TBC1D16: variants seen among roughly 807,000 people sequenced by gnomAD.
TBC1D16 encodes the protein TBC1 domain family member 16.
A neutral mutation model predicts 74.7 loss-of-function variants in TBC1D16; 58 were observed. The observed-to-expected ratio is 0.78, with a 90% CI of 0.63 to 0.97. The LOEUF is 0.97. Ranked by LOEUF, TBC1D16 falls within the 50% of genes least tolerant of loss-of-function variation. The probability of loss-of-function intolerance (pLI) is 0.00; values close to 1 mark genes in which losing one functional copy is unlikely to be tolerated. For synonymous variants in TBC1D16, 493 were observed against 474.7 expected, an observed-to-expected ratio of 1.04 and a Z score of -0.50; for missense variants, 1,014 against 1,079.5, an observed-to-expected ratio of 0.94 and a Z score of 0.85.
chr17:80,010,025 G>C lies in TBC1D16; in HGVS notation c.779+135C>G. On this transcript the variant is annotated intron_variant, in intron 3 of 11. Coordinates refer to ENST00000310924, the MANE Select transcript of TBC1D16 (RefSeq NM_019020.4). This position sits in a 1 kb window ranked among gnomAD's most constrained non-coding sequence, Gnocchi z 8.8. The stretch of plus-strand genomic sequence containing the variant: ...AGGGAGGGGCTCCTGCCACAGCCAC[G>C]GCCACAGCCGCGGGCAGGTCGGGCA... The C allele has an allele frequency of 1.3e-6, 1 of 756,958 alleles. No individual in the cohort carries two copies. Among genetic ancestry groups the C allele is most frequent in the South Asian group, 1.9e-5 (1 of 53,286 alleles). 46.9% of individuals were successfully genotyped at this position (756,958 alleles called of 1,614,324 possible). A position where few individuals can be genotyped will look rare whatever the true frequency, so the allele number is the denominator to read the frequency against.
rs779079899 is a variant in TBC1D16, at chr17:80,010,605, G to A, written c.334C>T (p.Arg112Trp). The A allele has an allele frequency of 1.6e-5, 25 of 1,586,836 alleles. No homozygotes were observed. The highest frequency in any genetic ancestry group is 6.7e-5 in the East Asian group (3 of 44,608). The change falls in exon 3 of 12, where the codon CGG (arginine) becomes TGG (tryptophan). Residue 112 changes from arginine to tryptophan, a missense_variant. Transcript: ENST00000310924. This position sits in a 1 kb window ranked among gnomAD's most constrained non-coding sequence, Gnocchi z 8.8. ...CCTGAGCTCCGGGTGCGCCGGCCCCGAGGGCGGGGTGCCTTGCGAACGGGG... is the reference window on the plus strand; with the variant it reads ...CCTGAGCTCCGGGTGCGCCGGCCCCAAGGGCGGGGTGCCTTGCGAACGGGG... ...SSPVRKAPRP[R>W]GRRTRSSGAS...
At chr17:80,011,742 C>T (rs1367049714) in intron 2 of TBC1D16, among the ~76,000 whole-genome samples, 4 of 151,614 alleles carry the variant, frequency 2.6e-5, no homozygotes, top group African/African-American at 9.7e-5. Context: ...AGGAGAATGG[C>T]GTGAACCCAG....
At chr17:79,960,210 A>C (rs1461687637) in intron 3 of TBC1D16, among the ~76,000 whole-genome samples, 1 of 152,220 alleles carries the variant, frequency 6.6e-6, no homozygotes, top group Non-Finnish European at 1.5e-5. Context: ...AGTCAGTAAT[A>C]TGCTTTAAAT....
chr17:79,947,909 C>A, intron 8 of TBC1D16, 78 bp from the exon 9 acceptor site: 1 of 1,255,810 alleles, frequency 8.0e-7, no homozygotes, highest in South Asian at 1.4e-5. Context: ...AACCCTGGGC[C>A]GTGGACCCTG....
rs185890138 is a variant in TBC1D16, at chr17:79,980,321, C to T, written c.780-27503G>A. 5.4e-3 allele frequency among the ~76,000 whole-genome samples: 825 copies of T among 152,324 alleles called. 1 individual carries two copies. The highest frequency in any genetic ancestry group is 7.8e-3 in the Non-Finnish European group (529 of 68,032). ...AAATTCCCCTTCTCTCTTGGCTTCA[C>T]GGCACGGGCTTCTTGACCACCATGT... On this transcript the variant is annotated intron_variant, in intron 3 of 11. Coordinates refer to ENST00000310924, the MANE Select transcript of TBC1D16 (RefSeq NM_019020.4). This position sits in a 1 kb window ranked among gnomAD's most constrained non-coding sequence, Gnocchi z 7.0.
At chr17:80,025,564 C>T (rs145678927) in intron 1 of TBC1D16, among the ~76,000 whole-genome samples, 12,293 of 147,214 alleles carry the variant, frequency 0.084, 920 homozygotes, top group Non-Finnish European at 0.11. Context: ...CTTCGGGGCC[C>T]GCCTGCTGGG....
intron 3 of TBC1D16, chr17:79,953,072 C>T: frequency 2.9e-6 from 1 of 342,046 alleles, no homozygotes; most frequent in Non-Finnish European, 5.3e-6. Context: ...GGCAGTAAGT[C>T]ATCATCGTCC....
intron 3 of TBC1D16, among the ~76,000 whole-genome samples, chr17:80,006,522 G>A (rs1416932680): frequency 6.6e-6 from 1 of 152,210 alleles, no homozygotes; most frequent in Admixed American, 6.5e-5. Context: ...GATGGGGCAA[G>A]GAGCACCACC....
In TBC1D16 at chr17:79,990,167, A is replaced by T. The variant is rs2035004008; in HGVS notation, c.779+19993T>A. Among the ~76,000 whole-genome samples the T allele has an allele frequency of 6.6e-6, 1 of 152,180 alleles. No individual in the cohort carries two copies. ...CCAGCTTTCAGAGTCTAACGACTAGATTTGACTTTCAGCTGCTCGGACGGA... is the reference window on the plus strand; with the variant it reads ...CCAGCTTTCAGAGTCTAACGACTAGTTTTGACTTTCAGCTGCTCGGACGGA... On this transcript the variant is annotated intron_variant, in intron 3 of 11. Coordinates refer to ENST00000310924, the MANE Select transcript of TBC1D16 (RefSeq NM_019020.4). This position sits in a 1 kb window ranked among gnomAD's most constrained non-coding sequence, Gnocchi z 4.8.
At chr17:79,963,229 C>G (rs2120454) in intron 3 of TBC1D16, among the ~76,000 whole-genome samples, 1 of 144,418 alleles carries the variant, frequency 6.9e-6, no homozygotes, top group Non-Finnish European at 1.5e-5. Flanking sequence ...AAAAAAAAAG[C>G]AAAAAAAAAA....
chr17:79,957,139 G>A (rs965418394), intron 3 of TBC1D16, among the ~76,000 whole-genome samples: 2 of 152,166 alleles, frequency 1.3e-5, no homozygotes, highest in Admixed American at 6.5e-5. Flanking sequence ...TGCTGGGAGG[G>A]ATGTGTAGGT....
rs1272568221 is a variant in TBC1D16, at chr17:79,985,078, T to A, written c.779+25082A>T. 6.6e-6 allele frequency among the ~76,000 whole-genome samples: 1 copy of A among 152,122 alleles called. No individual in the cohort carries two copies. The highest frequency in any genetic ancestry group is 1.5e-5 in the Non-Finnish European group (1 of 68,034). ...GTTCTGGAGGTCAAAGTCAAGGTGC[T>A]AGTCGGGCCGCGCCCCCTCTGAAGG... On this transcript the variant is annotated intron_variant, in intron 3 of 11. Transcript: ENST00000310924. The surrounding 1 kb of genome is among the most constrained non-coding windows in gnomAD (Gnocchi z 4.9).
chr17:79,964,280 GT>G (rs1166622024), intron 3 of TBC1D16, among the ~76,000 whole-genome samples: 3 of 152,090 alleles, frequency 2.0e-5, no homozygotes, highest in Non-Finnish European at 4.4e-5. Flanking sequence ...CCGGCCAGTT[GT>G]TTTTTGTTGT....
rs745603606 is a variant in TBC1D16, at chr17:79,986,529, C to T, written c.779+23631G>A. Among the ~76,000 whole-genome samples, 7 of 152,176 alleles carry T rather than the reference C, an allele frequency of 4.6e-5. No homozygotes were observed. The highest frequency in any genetic ancestry group is 8.8e-5 in the Non-Finnish European group (6 of 68,020). ...GAGGACTCCCTACCCCAGGACCTTC[C>T]ACCAGAAAAGGCCAAAGAGAGACCA... On this transcript the variant is annotated intron_variant, in intron 3 of 11. Coordinates refer to ENST00000310924, the MANE Select transcript of TBC1D16 (RefSeq NM_019020.4). The surrounding 1 kb of genome is among the most constrained non-coding windows in gnomAD (Gnocchi z 6.0).
rs924804922 is a variant in TBC1D16 at position 80,001,557 on chromosome 17, C to T, written c.779+8603G>A. Among the ~76,000 whole-genome samples the T allele has an allele frequency of 4.9e-4, 75 of 152,118 alleles. 1 individual carries two copies. Among genetic ancestry groups the T allele is most frequent in the Admixed American group, 4.3e-3 (66 of 15,278 alleles). On this transcript the variant is annotated intron_variant, in intron 3 of 11. Coordinates refer to ENST00000310924, the MANE Select transcript of TBC1D16 (RefSeq NM_019020.4). This position sits in a 1 kb window ranked among gnomAD's most constrained non-coding sequence, Gnocchi z 5.8. ...CGGGCGCTCTCGGGGTATCCCCGGG[C>T]GCCCTGGTTGGCCCACGACCGGGAT...
Position 79,944,843 on chromosome 17 carries a change from G to T in TBC1D16, c.1908+65C>A. 1.4e-6 allele frequency: 2 copies of T among 1,400,760 alleles called. No homozygotes were observed. Among genetic ancestry groups the T allele is most frequent in the Non-Finnish European group, 1.9e-6 (2 of 1,047,056 alleles). The allele number at this position is 1,400,760 out of a possible 1,614,324, so 86.8% of individuals were successfully genotyped here. ...CGAGGCGGACAGGGGCAGCAGGCAGGGTGGCCACGGTGGTTCAGGGGCCAT... is the reference window on the plus strand; with the variant it reads ...CGAGGCGGACAGGGGCAGCAGGCAGTGTGGCCACGGTGGTTCAGGGGCCAT... On this transcript the variant is annotated intron_variant, in intron 10 of 11. Coordinates refer to ENST00000310924, the MANE Select transcript of TBC1D16 (RefSeq NM_019020.4). The surrounding 1 kb of genome is among the most constrained non-coding windows in gnomAD (Gnocchi z 7.7).
chr17:80,013,326 C>T (rs2035961082), intron 2 of TBC1D16, 41 bp downstream of exon 2: 1 of 1,552,420 alleles, frequency 6.4e-7, no homozygotes, highest in East Asian at 2.4e-5. Flanking sequence ...GGAAAATAAC[C>T]TGGGCTGTGC....
rs1432452996 is a variant in TBC1D16 at position 79,980,413 on chromosome 17, A to AATT, written c.780-27596_780-27595insAAT. 6.6e-6 allele frequency among the ~76,000 whole-genome samples: 1 copy of AATT among 152,166 alleles called. No individual in the cohort carries two copies. The highest frequency in any genetic ancestry group is 2.4e-5 in the African/African-American group (1 of 41,430). ...CTTCCCGGAGGAACAAGACACTAAG[A>AATT]AGAGGTTCCCAGGGGAACATGCAGT... On this transcript the variant is annotated intron_variant, in intron 3 of 11. Coordinates refer to ENST00000310924, the MANE Select transcript of TBC1D16 (RefSeq NM_019020.4). This position sits in a 1 kb window ranked among gnomAD's most constrained non-coding sequence, Gnocchi z 7.0.
chr17:79,972,046 T>C (rs1012094210), intron 3 of TBC1D16, among the ~76,000 whole-genome samples: 1 of 152,206 alleles, frequency 6.6e-6, no homozygotes, highest in Non-Finnish European at 1.5e-5. Flanking sequence ...GTACCCCGTG[T>C]TCACAGCAGC....
Sources: gnomAD v4.1 joint callset for allele counts (sites outside exome capture counted in the v4.1 genomes callset) on GRCh38, gnomAD v4.1.1 for gene constraint, Gnocchi (gnomAD v3.1) non-coding constraint, MANE v1.5 for transcripts, NCBI Gene and HGNC (gene_info 2026-07-23, HGNC 2026-07-21) for gene names.